Variants in PSD2 observed in about 807,000 individuals in gnomAD.
The protein encoded by PSD2 is pleckstrin and Sec7 domain containing 2.
Under a neutral mutation model 69.8 loss-of-function variants are expected in PSD2, and 38 were observed. The observed-to-expected ratio is 0.54, with a 90% CI of 0.42 to 0.71. The LOEUF (loss-of-function observed/expected upper bound fraction) is 0.71. Among genes scored for constraint, PSD2 ranks in the 30% least tolerant of loss-of-function variants. PSD2 has a pLI of 0.00. For synonymous variants in PSD2, 412 were observed against 423.0 expected (o/e 0.97, Z 0.32); for missense variants, 943 against 1,014.5 (o/e 0.93, Z 0.96).
chr5:139,765,637 G>A, the PSD2 span, among the ~76,000 whole-genome samples: 1 of 152,368 alleles, frequency 6.6e-6, no homozygotes, highest in South Asian at 2.1e-4. Context: ...GCCAGGAGGG[G>A]GAGAGAGCGA....
upstream of PSD2, among the ~76,000 whole-genome samples, chr5:139,792,842 CTTTT>C (rs899746672): frequency 7.5e-6 from 1 of 134,106 alleles, no homozygotes; most frequent in Non-Finnish European, 1.6e-5. Context: ...TCCTTTCTTT[CTTTT>C]TTTCTTTCTG....
intron 7 of PSD2, among the ~76,000 whole-genome samples, chr5:139,830,612 T>TTATTTCTTTCTTTC (rs1760565444): frequency 1.1e-5 from 1 of 94,018 alleles, no homozygotes; most frequent in Non-Finnish European, 2.1e-5. Flanking sequence ...TTCTTTCTCT[T>TTATTTCTTTCTTTC]TCTTTCTTTC....
Position 139,821,884 on chromosome 5 carries a change from G to A in PSD2, c.1098-9G>A, listed in dbSNP as rs890663412. 2 of 1,582,448 alleles carry A rather than the reference G, an allele frequency of 1.3e-6. No individual in the cohort carries two copies. The highest frequency in any genetic ancestry group is 1.7e-6 in the Non-Finnish European group (2 of 1,157,124). ...AGACTGCCCTCAGCAGCTTTGAATT[G>A]CCTTCCAGAACATTCTTGAAGGCCT... On this transcript the variant is annotated splice_polypyrimidine_tract_variant and intron_variant, in intron 5 of 14. Coordinates refer to ENST00000274710, the MANE Select transcript of PSD2 (RefSeq NM_032289.4).
At chr5:139,832,951 G>A (rs1760628216) in intron 7 of PSD2, among the ~76,000 whole-genome samples, 1 of 152,120 alleles carries the variant, frequency 6.6e-6, no homozygotes, top group Non-Finnish European at 1.5e-5. Context: ...TTCTACCTCT[G>A]AGTGTGAAAC....
chr5:139,780,486 C>T, the PSD2 span, among the ~76,000 whole-genome samples: 22 of 152,090 alleles, frequency 1.4e-4, no homozygotes, highest in African/African-American at 5.3e-4. Context: ...CTCTATTGCC[C>T]AGGCTGGAGT....
chr5:139,769,807 T>C, the PSD2 span, among the ~76,000 whole-genome samples: 1 of 152,174 alleles, frequency 6.6e-6, no homozygotes, highest in Non-Finnish European at 1.5e-5. Flanking sequence ...CCAGCCACAG[T>C]CCTCCTTGGA....
the PSD2 span, among the ~76,000 whole-genome samples, chr5:139,777,649 C>T: frequency 5.3e-5 from 8 of 151,976 alleles, no homozygotes; most frequent in Admixed American, 3.3e-4. Flanking sequence ...TTTGGGAGGC[C>T]GACGTGGGTG....
intron 4 of PSD2, among the ~76,000 whole-genome samples, chr5:139,817,221 T>C (rs1281122774): frequency 6.6e-6 from 1 of 152,208 alleles, no homozygotes; most frequent in African/African-American, 2.4e-5. Flanking sequence ...CTGGGGACAC[T>C]GCATCATCCC....
At chr5:139,742,705 G>C in the PSD2 span, 1 of 152,960 alleles carries the variant, frequency 6.5e-6, no homozygotes, top group African/African-American at 2.4e-5. Flanking sequence ...GATGTGTGCA[G>C]GTGAGCATCT....
the PSD2 span, among the ~76,000 whole-genome samples, chr5:139,776,942 G>A: frequency 6.6e-6 from 1 of 152,198 alleles, no homozygotes. Context: ...TGCCTTAAAA[G>A]GCATGTAGTT....
chr5:139,786,569 C>T, the PSD2 span, among the ~76,000 whole-genome samples: 1 of 152,160 alleles, frequency 6.6e-6, no homozygotes, highest in African/African-American at 2.4e-5. Flanking sequence ...CCCCACCCAC[C>T]ATCAGTCAGT....
chr5:139,835,840 AC>A, intron 9 of PSD2, 74 bp downstream of exon 9: 1 of 1,416,738 alleles, frequency 7.1e-7, no homozygotes, highest in Non-Finnish European at 1.0e-6. Flanking sequence ...TGCAGGTCCG[AC>A]ATTCTGACCA....
At chr5:139,752,390 G>A in the PSD2 span, among the ~76,000 whole-genome samples, 3 of 152,086 alleles carry the variant, frequency 2.0e-5, no homozygotes, top group Non-Finnish European at 4.4e-5. Context: ...TGTCACCTGG[G>A]TGCACACAGG....
the PSD2 span, among the ~76,000 whole-genome samples, chr5:139,773,216 AC>A: frequency 6.6e-6 from 1 of 151,550 alleles, no homozygotes; most frequent in East Asian, 1.9e-4. Context: ...CTTTCCCAGC[AC>A]CCTCCACCCC....
the PSD2 span, among the ~76,000 whole-genome samples, chr5:139,785,483 C>T: frequency 6.6e-6 from 1 of 152,216 alleles, no homozygotes; most frequent in African/African-American, 2.4e-5. Context: ...CTTGGCATCC[C>T]AAAGTGCTGG....
chr5:139,754,192 G>T, the PSD2 span, among the ~76,000 whole-genome samples: 1 of 152,116 alleles, frequency 6.6e-6, no homozygotes, highest in Non-Finnish European at 1.5e-5. Context: ...GAGGGGTTGG[G>T]CATGATGGCT....
the PSD2 span, among the ~76,000 whole-genome samples, chr5:139,769,824 C>T: frequency 6.6e-6 from 1 of 152,274 alleles, no homozygotes; most frequent in African/African-American, 2.4e-5. Context: ...TGGAAGTTTC[C>T]ATCTGGCTTG....
chr5:139,750,148 AC>A, the PSD2 span, among the ~76,000 whole-genome samples: 1 of 151,946 alleles, frequency 6.6e-6, no homozygotes, highest in East Asian at 1.9e-4. Flanking sequence ...ACACGGTGAA[AC>A]CCCGTCTCTA....
rs200347309 is a variant in PSD2, at chr5:139,840,111, G to A, written c.2053G>A (p.Gly685Ser). ...ACACAGGTGTCACCCAGTCGAGAGG[G>A]GCATCAAGTCCAAGGAGGCCGAGGA... is the stretch of plus-strand genomic sequence containing the variant. Reference protein sequence around the residue: ...AEHRCHPVERGIKSKEAEEYR... With the variant: ...AEHRCHPVERSIKSKEAEEYR... The change falls in exon 14 of 15, where the codon GGC becomes AGC. Residue 685 changes from glycine to serine, a missense_variant. Coordinates refer to ENST00000274710, the MANE Select transcript of PSD2 (RefSeq NM_032289.4). The A allele has an allele frequency of 2.7e-4, 442 of 1,614,084 alleles. No individual in the cohort carries two copies. Among genetic ancestry groups the A allele is most frequent in the Non-Finnish European group, 3.6e-4 (420 of 1,180,050 alleles).
Sources: gnomAD v4.1 joint callset for allele counts (sites outside exome capture counted in the v4.1 genomes callset) on GRCh38, gnomAD v4.1.1 for gene constraint, MANE v1.5 for transcripts, NCBI Gene and HGNC (gene_info 2026-07-23, HGNC 2026-07-21) for gene names.